Variants in F10 observed in about 807,000 individuals in gnomAD.
The protein encoded by F10 is Stuart-Prower factor.
In F10, 29 loss-of-function variants were observed where a neutral mutation model predicts 37.1. The observed-to-expected ratio is 0.78, with a 90% CI of 0.58 to 1.07. The LOEUF is 1.07. Ranked by LOEUF, F10 falls within the 50% of genes least tolerant of loss-of-function variation. The pLI is 0.00. For synonymous variants in F10, 262 were observed against 268.6 expected (o/e 0.98, Z 0.24); for missense variants, 539 against 667.9 (o/e 0.81, Z 2.13).
rs1023691193 is a variant in F10, at chr13:113,144,261, G to C, written c.747+166G>C. 30 of 1,064,568 alleles carry C rather than the reference G, an allele frequency of 2.8e-5. No homozygotes were observed. The Admixed American group carries it at 6.1e-4, about 22-fold the overall frequency. 65.9% of individuals were successfully genotyped at this position (1,064,568 alleles called of 1,614,324 possible). On this transcript the variant is annotated intron_variant, in intron 6 of 7. Transcript: ENST00000375559. The surrounding 1 kb of genome is among the most constrained non-coding windows in gnomAD (Gnocchi z 6.4). The stretch of plus-strand genomic sequence containing the variant: ...GCCTGCCTGCCTGTCCCCTCCCTCC[G>C]GGCAGCCAAGGAGGCTGTGAGCTCC...
intron 2 of F10, 105 bp downstream of exon 2, chr13:113,129,717 C>CT: frequency 6.7e-7 from 1 of 1,482,766 alleles, no homozygotes; most frequent in Admixed American, 1.7e-5. Context: ...GAGGAAGGGG[C>CT]AGCGTGCGCG....
chr13:113,132,073 GT>G (rs1392503043), intron 2 of F10: 1 of 152,272 alleles, frequency 6.6e-6, no homozygotes, highest in African/African-American at 2.4e-5. Context: ...AATTGTCTAA[GT>G]TGTGTGACTC....
intron 2 of F10, among the ~76,000 whole-genome samples, chr13:113,137,976 T>G (rs1191055283): frequency 6.6e-6 from 1 of 152,150 alleles, no homozygotes; most frequent in African/African-American, 2.4e-5. Flanking sequence ...CTGTAGAGAG[T>G]TAAAAAACAA....
In F10 at chr13:113,149,192, A is replaced by T. The variant is rs2036615529; in HGVS notation, c.1142A>T (p.Glu381Val). The T allele has an allele frequency of 2.1e-5, 34 of 1,612,974 alleles. No homozygotes were observed. The highest frequency in any genetic ancestry group is 2.9e-5 in the Non-Finnish European group (34 of 1,179,998). Residue 381 changes from glutamate (E) to valine (V), a missense_variant, in exon 8 of 8, where the codon GAG (glutamate) becomes GTG (valine). Coordinates refer to ENST00000375559, the MANE Select transcript of F10 (RefSeq NM_000504.4). This position sits in a 1 kb window ranked among gnomAD's most constrained non-coding sequence, Gnocchi z 7.5. ...CAGTCCACCAGGCTCAAGATGCTGG[A>T]GGTGCCCTACGTGGACCGCAACAGC... is the stretch of plus-strand genomic sequence containing the variant. ...GRQSTRLKML[E>V]VPYVDRNSCK...
chr13:113,129,040 A>ATC (rs1398147509), intron 1 of F10, among the ~76,000 whole-genome samples: 1 of 152,110 alleles, frequency 6.6e-6, no homozygotes, highest in Non-Finnish European at 1.5e-5. Flanking sequence ...TTGGAGTAAA[A>ATC]TCATTTATTT....
rs182029479 is a variant in F10, at chr13:113,123,237, A to C, written c.70+312A>C. On this transcript the variant is annotated intron_variant, in intron 1 of 7. Coordinates refer to ENST00000375559, the MANE Select transcript of F10 (RefSeq NM_000504.4). The stretch of plus-strand genomic sequence containing the variant: ...AGTGAGATGGGAGGCCAAGAGGCAG[A>C]GACAGAGGTAGAAAGACGGAGACAG... Among the ~76,000 whole-genome samples the C allele has an allele frequency of 1.2e-3, 188 of 152,282 alleles. 1 individual carries two copies. Among genetic ancestry groups the C allele is most frequent in the African/African-American group, 4.4e-3 (181 of 41,552 alleles).
rs752683240 is a variant in F10, at chr13:113,143,833, C to T, written c.503-18C>T. On this transcript the variant is annotated intron_variant, in intron 5 of 7. Coordinates refer to ENST00000375559, the MANE Select transcript of F10 (RefSeq NM_000504.4). This position sits in a 1 kb window ranked among gnomAD's most constrained non-coding sequence, Gnocchi z 6.8. ...CCTCTCTCTGTGCTGAAGGCCCCGGCCGTCCTCTTTCTTTCAGGGCCCTAC... is the reference window on the plus strand; with the variant it reads ...CCTCTCTCTGTGCTGAAGGCCCCGGTCGTCCTCTTTCTTTCAGGGCCCTAC... 4 of 1,610,548 alleles carry T rather than the reference C, an allele frequency of 2.5e-6. No individual in the cohort carries two copies. Among genetic ancestry groups the T allele is most frequent in the Non-Finnish European group, 3.4e-6 (4 of 1,179,978 alleles).
At chr13:113,129,389 A>AGGTGAGGGGGAGCCTG (rs1275210600) in intron 1 of F10, 63 bp from the exon 2 acceptor site, 2 of 1,256,044 alleles carry the variant, frequency 1.6e-6, no homozygotes, top group Non-Finnish European at 2.2e-6. Flanking sequence ...CAGGGAGCAT[A>AGGTGAGGGGGAGCCTG]GGTGAGGGGG....
At chr13:113,126,630 C>T (rs2036373188) in intron 1 of F10, among the ~76,000 whole-genome samples, 1 of 152,142 alleles carries the variant, frequency 6.6e-6, no homozygotes, top group Non-Finnish European at 1.5e-5. Flanking sequence ...GTCCATCTGG[C>T]CACAAGGAAG....
In F10 at chr13:113,148,615, G is replaced by A. The variant is rs141697058; in HGVS notation, c.866-301G>A. Among the ~76,000 whole-genome samples the A allele has an allele frequency of 1.0e-3, 155 of 152,050 alleles. No homozygotes were observed. The East Asian group carries it at 0.024, about 23-fold the overall frequency. On this transcript the variant is annotated intron_variant, in intron 7 of 7. Coordinates refer to ENST00000375559, the MANE Select transcript of F10 (RefSeq NM_000504.4). ...TGGGTCTGGGATGCCAAAAGCCTTC[G>A]GTCCTGGGACGCCTCGTTGGTGCCC...
intron 1 of F10, among the ~76,000 whole-genome samples, chr13:113,126,456 G>A (rs571276732): frequency 3.9e-5 from 6 of 152,272 alleles, no homozygotes; most frequent in South Asian, 4.2e-4. Context: ...AGCTGTGGCC[G>A]CTATCACAGA....
At chr13:113,142,270 A>G (rs138571217) in intron 5 of F10, among the ~76,000 whole-genome samples, 4,384 of 152,292 alleles carry the variant, frequency 0.029, 86 homozygotes, top group Non-Finnish European at 0.044. Context: ...GGCCGGGTGC[A>G]GTAGCTCATG....
chr13:113,148,345 A>AAAATATATATATATATAT lies in F10; in HGVS notation c.866-570_866-569insAATATATATATATATATA, dbSNP rs1300922846. 4.4e-4 allele frequency among the ~76,000 whole-genome samples: 42 copies of AAAATATATATATATATAT among 95,394 alleles called. No homozygotes were observed. In the East Asian group the frequency reaches 0.014, roughly 32 times the overall value. The allele number at this position is 95,394 out of a possible 152,430, so 62.6% of individuals were successfully genotyped here. A position where few individuals can be genotyped will look rare whatever the true frequency, so the allele number is the denominator to read the frequency against. On this transcript the variant is annotated intron_variant, in intron 7 of 7. Coordinates refer to ENST00000375559, the MANE Select transcript of F10 (RefSeq NM_000504.4). ...AACTCTGTCTCAAAAAAAAAAAAAA[A>AAAATATATATATATATAT]ATATATATATATATATATGTATATA...
intron 2 of F10, chr13:113,129,962 T>C: frequency 2.9e-6 from 1 of 350,068 alleles, no homozygotes; most frequent in Admixed American, 3.9e-5. Flanking sequence ...CGAGTTGCAG[T>C]GAGCTGAGAT....
chr13:113,129,573 C>T lies in F10; in HGVS notation c.192C>T (p.Tyr64=), dbSNP rs1308899282. The change falls in exon 2 of 8, where the codon TAC becomes TAT. Residue 64 remains tyrosine, a synonymous_variant. Coordinates refer to ENST00000375559, the MANE Select transcript of F10 (RefSeq NM_000504.4). ...AGTGCATGGAAGAGACCTGCTCATA[C>T]GAAGAGGCCCGCGAGGTCTTTGAGG... The part of the protein sequence containing the change: ...ERECMEETCS[Y]EEAREVFEDS... 2 of 1,614,098 alleles carry T rather than the reference C, an allele frequency of 1.2e-6. No individual in the cohort carries two copies. Among genetic ancestry groups the T allele is most frequent in the Non-Finnish European group, 8.5e-7 (1 of 1,180,044 alleles).
At chr13:113,137,227 G>A (rs1293090624) in intron 2 of F10, among the ~76,000 whole-genome samples, 1 of 152,198 alleles carries the variant, frequency 6.6e-6, no homozygotes, top group East Asian at 1.9e-4. Flanking sequence ...GCTTTGTATT[G>A]AATGAAAAGC....
In F10 at chr13:113,129,487, G is replaced by C. The variant is rs368535920; in HGVS notation, c.106G>C (p.Ala36Pro). ...IRREQANNIL[A>P]RVTRANSFLE... The stretch of plus-strand genomic sequence containing the variant: ...CAGGGAGCAGGCCAACAACATCCTG[G>C]CGAGGGTCACGAGGGCCAATTCCTT... The change falls in exon 2 of 8, where the codon GCG (alanine) becomes CCG (proline). Residue 36 changes from alanine to proline, a missense_variant. Coordinates refer to ENST00000375559, the MANE Select transcript of F10 (RefSeq NM_000504.4). 10 of 1,614,066 alleles carry C rather than the reference G, an allele frequency of 6.2e-6. No homozygotes were observed. Among genetic ancestry groups the C allele is most frequent in the Non-Finnish European group, 8.5e-6 (10 of 1,180,018 alleles).
chr13:113,134,365 C>G (rs560745389), intron 2 of F10, among the ~76,000 whole-genome samples: 2 of 152,284 alleles, frequency 1.3e-5, no homozygotes, highest in Non-Finnish European at 2.9e-5. Flanking sequence ...TTAATTGACT[C>G]AGTTCTACAT....
rs1265119946 is a variant in F10, at chr13:113,144,736, C to G, written c.747+641C>G. On this transcript the variant is annotated intron_variant, in intron 6 of 7. Coordinates refer to ENST00000375559, the MANE Select transcript of F10 (RefSeq NM_000504.4). The surrounding 1 kb of genome is among the most constrained non-coding windows in gnomAD (Gnocchi z 6.4). ...TCTTTGAGGCTTTTTTGTTAAGAGA[C>G]AGTACCTTGCTCTGTTGCCCAGGCT... Among the ~76,000 whole-genome samples the G allele has an allele frequency of 3.3e-5, 5 of 152,222 alleles. No homozygotes were observed. Among genetic ancestry groups the G allele is most frequent in the African/African-American group, 1.2e-4 (5 of 41,454 alleles).
Sources: gnomAD v4.1 joint callset for allele counts (sites outside exome capture counted in the v4.1 genomes callset) on GRCh38, gnomAD v4.1.1 for gene constraint, Gnocchi (gnomAD v3.1) non-coding constraint, MANE v1.5 for transcripts, NCBI Gene and HGNC (gene_info 2026-07-23, HGNC 2026-07-21) for gene names.